The following ADAMTSL1 variants were observed in gnomAD, a reference collection of about 807,000 sequenced individuals.
ADAMTSL1 encodes the protein ADAMTS like 1, also known as ADAMTS-like protein 1.
A neutral mutation model predicts 201.8 loss-of-function variants in ADAMTSL1; 126 were observed. The observed-to-expected ratio is 0.62, with a 90% CI of 0.54 to 0.72. ADAMTSL1 has a LOEUF of 0.72. Among genes scored for constraint, ADAMTSL1 ranks in the 30% least tolerant of loss-of-function variants. The pLI, the probability that ADAMTSL1 is intolerant of heterozygous loss-of-function variation, is 0.00. For missense variants in ADAMTSL1, 2,679 were observed against 2,277.8 expected (o/e 1.18, Z -3.59); for synonymous variants, 1,121 against 903.4 (o/e 1.24, Z -4.32).
intron 7 of ADAMTSL1, among the ~76,000 whole-genome samples, chr9:18,647,620 A>C (rs4327937): frequency 0.16 from 24,654 of 149,962 alleles, 2,126 homozygotes; most frequent in Middle Eastern, 0.23. Flanking sequence ...GAACATCTTT[A>C]TTTCTGCCTT....
At chr9:18,616,355 C>G (rs1231142633) in intron 4 of ADAMTSL1, among the ~76,000 whole-genome samples, 4 of 152,178 alleles carry the variant, frequency 2.6e-5, no homozygotes, top group African/African-American at 9.7e-5. Context: ...TGTCCCCTGA[C>G]CATTAGGCTT....
At chr9:18,743,111 G>A (rs1818936619) in intron 15 of ADAMTSL1, among the ~76,000 whole-genome samples, 1 of 152,158 alleles carries the variant, frequency 6.6e-6, no homozygotes, top group South Asian at 2.1e-4. Flanking sequence ...ATTTTAATGT[G>A]CTATCACTCA....
chr9:18,784,566 A>G (rs1414358820), intron 19 of ADAMTSL1, among the ~76,000 whole-genome samples: 1 of 152,180 alleles, frequency 6.6e-6, no homozygotes, highest in Non-Finnish European at 1.5e-5. Context: ...TATGTTCTCC[A>G]CTAAAGAAGT....
chr9:18,034,351 A>G (rs535817149), intron 1 of ADAMTSL1, among the ~76,000 whole-genome samples: 96 of 150,860 alleles, frequency 6.4e-4, no homozygotes, highest in African/African-American at 2.3e-3. Context: ...CCCAAACCAA[A>G]CTCTCTAAAG....
intron 1 of ADAMTSL1, among the ~76,000 whole-genome samples, chr9:17,937,263 A>T (rs1478064908): frequency 6.6e-6 from 1 of 152,146 alleles, no homozygotes; most frequent in Non-Finnish European, 1.5e-5. Context: ...CTGATCATTC[A>T]TCCTCACAAT....
chr9:18,508,194 G>GA (rs35153132), intron 2 of ADAMTSL1, among the ~76,000 whole-genome samples: 18 of 145,934 alleles, frequency 1.2e-4, no homozygotes, highest in East Asian at 6.1e-4. Flanking sequence ...AAAAAAAAAA[G>GA]AAAAAAAAAA....
chr9:17,975,404 G>T (rs80287191), intron 1 of ADAMTSL1, among the ~76,000 whole-genome samples: 3 of 151,948 alleles, frequency 2.0e-5, no homozygotes, highest in African/African-American at 4.8e-5. Flanking sequence ...GTGAGAGCTC[G>T]ATCTCTGATT....
At chr9:18,226,243 A>G (rs2132384781) in intron 2 of ADAMTSL1, among the ~76,000 whole-genome samples, 1 of 152,196 alleles carries the variant, frequency 6.6e-6, no homozygotes, top group South Asian at 2.1e-4. Flanking sequence ...TGTATTGCTG[A>G]TCTTGGAAAC....
At chr9:18,679,113 A>T (rs1301824054) in intron 10 of ADAMTSL1, among the ~76,000 whole-genome samples, 1 of 152,160 alleles carries the variant, frequency 6.6e-6, no homozygotes, top group Non-Finnish European at 1.5e-5. Context: ...AACTAGGAAA[A>T]ACACATGATT....
intron 2 of ADAMTSL1, among the ~76,000 whole-genome samples, chr9:18,179,712 A>G (rs1322251849): frequency 2.0e-5 from 3 of 152,232 alleles, no homozygotes; most frequent in Admixed American, 6.5e-5. Context: ...GAGAGTGGGG[A>G]CCAATATTCA....
At chr9:18,867,135 C>T (rs774178803) in intron 23 of ADAMTSL1, among the ~76,000 whole-genome samples, 20 of 152,162 alleles carry the variant, frequency 1.3e-4, no homozygotes, top group African/African-American at 3.4e-4. Context: ...AAGAGGAGGA[C>T]AGATATGAAG....
chr9:18,416,435 A>C (rs1026230165), intron 2 of ADAMTSL1, among the ~76,000 whole-genome samples: 25 of 152,028 alleles, frequency 1.6e-4, no homozygotes, highest in African/African-American at 6.0e-4. Flanking sequence ...GAGTAAACTA[A>C]GAACAGATAA....
chr9:18,635,462 G>T (rs1165537488), intron 5 of ADAMTSL1, among the ~76,000 whole-genome samples: 3 of 152,106 alleles, frequency 2.0e-5, no homozygotes, highest in Non-Finnish European at 4.4e-5. Context: ...TTAAGAACTA[G>T]AAGGCATGAT....
intron 1 of ADAMTSL1, among the ~76,000 whole-genome samples, chr9:18,024,272 C>G (rs1040113256): frequency 1.3e-5 from 2 of 151,856 alleles, no homozygotes; most frequent in Admixed American, 6.6e-5. Context: ...TTTATTGCAA[C>G]TTTTATTTTA....
chr9:18,672,833 G>A (rs1178212796), intron 9 of ADAMTSL1, among the ~76,000 whole-genome samples: 1 of 152,170 alleles, frequency 6.6e-6, no homozygotes, highest in Non-Finnish European at 1.5e-5. Context: ...GAGGTGGGAT[G>A]CCTTTTCTAC....
intron 3 of ADAMTSL1, among the ~76,000 whole-genome samples, chr9:18,554,549 C>T (rs915438453): frequency 6.6e-6 from 1 of 151,672 alleles, no homozygotes; most frequent in African/African-American, 2.4e-5. Context: ...AATTGTTTCC[C>T]AAATTGTCAT....
At chr9:18,132,529 C>T (rs879750229) in intron 1 of ADAMTSL1, among the ~76,000 whole-genome samples, 1 of 152,138 alleles carries the variant, frequency 6.6e-6, no homozygotes, top group Non-Finnish European at 1.5e-5. Flanking sequence ...TTAGATTTGA[C>T]AGGTTAGATA....
rs1827936952 is a variant in ADAMTSL1 at position 18,648,067 on chromosome 9, GC to G, written c.834+8657del. Among the ~76,000 whole-genome samples, 3 of 147,522 alleles carry G rather than the reference GC, an allele frequency of 2.0e-5. No individual in the cohort carries two copies. The South Asian group carries it at 6.5e-4, about 32-fold the overall frequency. On this transcript the variant is annotated intron_variant, in intron 7 of 28. Coordinates refer to ENST00000380548, the MANE Select transcript of ADAMTSL1 (RefSeq NM_001040272.6). ...CAGGACTTGCTTTATGAATCTGGGT[GC>G]TCCTGTATTGGGTGCATATATATTT...
In ADAMTSL1 at chr9:18,620,650, A is replaced by G. The variant is rs953253148; in HGVS notation, c.475-1593A>G. Among the ~76,000 whole-genome samples, 3 of 152,304 alleles carry G rather than the reference A, an allele frequency of 2.0e-5. No homozygotes were observed. In the South Asian group the frequency reaches 6.2e-4, roughly 32 times the overall value. On this transcript the variant is annotated intron_variant, in intron 4 of 28. Coordinates refer to ENST00000380548, the MANE Select transcript of ADAMTSL1 (RefSeq NM_001040272.6). The stretch of plus-strand genomic sequence containing the variant: ...ACATGTTTGGCACTGCAGGGATGAA[A>G]TTCGGTTGCTTTCTGAAGTGGCCTC...
Sources: gnomAD v4.1 joint callset for allele counts (sites outside exome capture counted in the v4.1 genomes callset) on GRCh38, gnomAD v4.1.1 for gene constraint, MANE v1.5 for transcripts, NCBI Gene and HGNC (gene_info 2026-07-23, HGNC 2026-07-21) for gene names.